Variants in ABCC9 observed in about 807,000 individuals in gnomAD.
ABCC9 encodes ATP-binding cassette sub-family C member 9.
A neutral mutation model predicts 188.3 loss-of-function variants in ABCC9; 95 were observed. That is an observed-to-expected ratio of 0.50 (90% CI 0.43 to 0.60). The LOEUF is 0.60. ABCC9 is among the 20% of genes least tolerant of loss of function. The pLI, the probability that ABCC9 is intolerant of heterozygous loss-of-function variation, is 0.00. For synonymous variants in ABCC9, 659 were observed against 652.7 expected (o/e 1.01, Z -0.15); for missense variants, 1,102 against 1,876.3 (o/e 0.59, Z 7.62).
intron 18 of ABCC9, among the ~76,000 whole-genome samples, chr12:21,866,088 C>A (rs1945765031): frequency 6.7e-6 from 1 of 148,410 alleles, no homozygotes; most frequent in Non-Finnish European, 1.5e-5. Flanking sequence ...GTACTTCAGA[C>A]CAGAGAAAAT....
intron 20 of ABCC9, 95 bp downstream of exon 20, chr12:21,862,858 A>G: frequency 2.5e-6 from 2 of 808,762 alleles, no homozygotes; most frequent in Non-Finnish European, 4.2e-6. Flanking sequence ...AGAAAATACC[A>G]GATGTAAAGG....
intron 10 of ABCC9, 61 bp from the exon 11 acceptor site, chr12:21,908,272 A>G (rs2137853123): frequency 6.3e-7 from 1 of 1,582,482 alleles, no homozygotes; most frequent in South Asian, 1.1e-5. Flanking sequence ...ATTGCATGAA[A>G]GGACATAATT....
chr12:21,887,874 A>G lies in ABCC9; in HGVS notation c.1863T>C (p.Thr621=), dbSNP rs577810106. 1 of 1,613,574 alleles carries G rather than the reference A, an allele frequency of 6.2e-7. No individual in the cohort carries two copies. Among genetic ancestry groups the G allele is most frequent in the African/African-American group, 1.3e-5 (1 of 75,032 alleles). The stretch of plus-strand genomic sequence containing the variant: ...ACTCAAAAGGAAGCGAACTTTCACC[A>G]GTTCGCCAACTGTCGTCACCAATCT... ...SDEIGDDSWR[T]GESSLPFESC... The change falls in exon 15 of 40, where the codon ACT becomes ACC. Residue 621 remains threonine, a synonymous_variant. Coordinates refer to ENST00000261200, the MANE Select transcript of ABCC9 (RefSeq NM_020297.4).
At chr12:21,802,075 A>G (rs1005210333) in intron 39 of ABCC9, among the ~76,000 whole-genome samples, 1 of 152,210 alleles carries the variant, frequency 6.6e-6, no homozygotes, top group Admixed American at 6.5e-5. Flanking sequence ...TATGGTTAAG[A>G]GAACAGGCTC....
intron 36 of ABCC9, 59 bp from the exon 37 acceptor site, chr12:21,810,014 A>G: frequency 2.9e-6 from 3 of 1,038,336 alleles, no homozygotes; most frequent in Non-Finnish European, 4.5e-6. Context: ...TTTTATGTAT[A>G]TTTGCTTATT....
At chr12:21,814,602 A>G (rs1942480707) in intron 35 of ABCC9, 42 bp downstream of exon 35, 2 of 1,511,990 alleles carry the variant, frequency 1.3e-6, no homozygotes, top group Non-Finnish European at 1.8e-6. Flanking sequence ...TTTTAAAGGA[A>G]AGCACCAAGT....
At chr12:21,891,719 C>G (rs1947169253) in intron 14 of ABCC9, among the ~76,000 whole-genome samples, 1 of 152,152 alleles carries the variant, frequency 6.6e-6, no homozygotes, top group Admixed American at 6.6e-5. Flanking sequence ...TTCTAACCCA[C>G]CAAGTTTCTA....
rs587780845 is a variant in ABCC9, at chr12:21,859,616, C to T, written c.2475G>A (p.Ala825=). 54 of 1,613,760 alleles carry T rather than the reference C, an allele frequency of 3.3e-5. No homozygotes were observed. The highest frequency in any genetic ancestry group is 1.5e-4 in the African/African-American group (11 of 74,892). ...AGACAATGTTGGTGTTTTGATACAG[C>T]GCTCGTGCCACACAGATTCTCTGCC... The part of the protein sequence containing the change: ...GQRQRICVAR[A]LYQNTNIVFL... Residue 825 remains alanine, a synonymous_variant, in exon 22 of 40, where the codon GCG becomes GCA. Transcript: ENST00000261200.
At chr12:21,801,259 G>T in intron 39 of ABCC9, 78 bp from the exon 40 acceptor site, 1 of 1,560,978 alleles carries the variant, frequency 6.4e-7, no homozygotes, top group South Asian at 1.1e-5. Context: ...TATATTTCAT[G>T]AATTATTCTG....
At position 21,829,137 on chromosome 12, in the gene ABCC9, A is replaced by G. The variant is rs1006503543; in HGVS notation, c.3567-77T>C. On this transcript the variant is annotated intron_variant, in intron 30 of 39. Transcript: ENST00000261200. ...AAACAGTCACACTTATTACTACACTATTTACTCAACACAGTGACAAACTGA... is the reference window on the plus strand; with the variant it reads ...AAACAGTCACACTTATTACTACACTGTTTACTCAACACAGTGACAAACTGA... 54 of 828,276 alleles carry G rather than the reference A, an allele frequency of 6.5e-5. No homozygotes were observed. In the African/African-American group the frequency reaches 8.7e-4, roughly 13 times the overall value. 51.3% of individuals were successfully genotyped at this position (828,276 alleles called of 1,614,324 possible).
At chr12:21,902,211 G>A (rs1210441197) in intron 12 of ABCC9, among the ~76,000 whole-genome samples, 3 of 152,128 alleles carry the variant, frequency 2.0e-5, no homozygotes, top group Non-Finnish European at 2.9e-5. Flanking sequence ...GGTACATAAC[G>A]AAATGAAGGC....
intron 16 of ABCC9, among the ~76,000 whole-genome samples, chr12:21,881,541 A>T (rs1000087553): frequency 3.9e-5 from 6 of 152,186 alleles, no homozygotes; most frequent in African/African-American, 1.4e-4. Flanking sequence ...TGAACAGAAA[A>T]TGTCAATTAA....
At chr12:21,905,822 C>A (rs1008611379) in intron 12 of ABCC9, among the ~76,000 whole-genome samples, 4 of 152,090 alleles carry the variant, frequency 2.6e-5, no homozygotes, top group Non-Finnish European at 4.4e-5. Flanking sequence ...TCACCATCTT[C>A]ATTTTACTGA....
chr12:21,829,298 C>T (rs551979491), intron 30 of ABCC9, among the ~76,000 whole-genome samples: 21 of 142,374 alleles, frequency 1.5e-4, no homozygotes, highest in Non-Finnish European at 2.3e-4. Context: ...GCCTCCCGGG[C>T]TCACACCATT....
chr12:21,903,123 C>T (rs142084398), intron 12 of ABCC9, among the ~76,000 whole-genome samples: 2 of 152,110 alleles, frequency 1.3e-5, no homozygotes, highest in African/African-American at 4.8e-5. Context: ...CCCTGGGATG[C>T]AAAGCCTCGT....
intron 4 of ABCC9, among the ~76,000 whole-genome samples, chr12:21,931,144 G>A (rs1211403305): frequency 6.6e-6 from 1 of 152,122 alleles, no homozygotes; most frequent in African/African-American, 2.4e-5. Context: ...ATCCCCATGT[G>A]TTGGGGGAGG....
rs771840460 is a variant in ABCC9 at position 21,864,542 on chromosome 12, C to T, written c.2199-65G>A. 1.5e-4 allele frequency: 171 copies of T among 1,127,968 alleles called. 1 individual carries two copies. The Middle Eastern group carries it at 3.9e-3, about 26-fold the overall frequency. 69.9% of individuals were successfully genotyped at this position (1,127,968 alleles called of 1,614,324 possible). A position where few individuals can be genotyped will look rare whatever the true frequency, so the allele number is the denominator to read the frequency against. ...GAAATATAGAACCAATGTGCATACA[C>T]GTCAGGTAAGAGATACAATAAACAC... On this transcript the variant is annotated intron_variant, in intron 18 of 39. Coordinates refer to ENST00000261200, the MANE Select transcript of ABCC9 (RefSeq NM_020297.4).
intron 39 of ABCC9, among the ~76,000 whole-genome samples, chr12:21,803,415 T>A (rs950723031): frequency 1.9e-4 from 29 of 152,022 alleles, no homozygotes; most frequent in African/African-American, 7.0e-4. Context: ...CCCAGCTCTT[T>A]GGGAGGGCGA....
At chr12:21,897,993 C>A (rs1436671757) in intron 12 of ABCC9, among the ~76,000 whole-genome samples, 1 of 152,088 alleles carries the variant, frequency 6.6e-6, no homozygotes, top group Non-Finnish European at 1.5e-5. Context: ...TCTTTTAATT[C>A]TAAAGTGGAG....
Sources: allele counts gnomAD v4.1 joint callset (sites outside exome capture counted in the v4.1 genomes callset), GRCh38; gene constraint gnomAD v4.1.1; transcripts MANE v1.5; gene names NCBI Gene and HGNC (gene_info 2026-07-23, HGNC 2026-07-21).